The following SERPINB5 variants were observed in gnomAD, a reference collection of about 807,000 sequenced individuals.
SERPINB5 encodes serpin B5.
SERPINB5 carries 27 observed loss-of-function variants against 32.2 expected under a neutral mutation model. The observed-to-expected ratio is 0.84, with a 90% CI of 0.62 to 1.16. The LOEUF (loss-of-function observed/expected upper bound fraction) is 1.16. SERPINB5 is among the 50% of genes most tolerant of loss of function. SERPINB5 has a pLI of 0.00. For missense variants in SERPINB5, 388 were observed against 436.3 expected (o/e 0.89, Z 0.99); for synonymous variants, 154 against 157.4 (o/e 0.98, Z 0.16).
chr18:63,490,119 G>A (rs1380275393), intron 4 of SERPINB5, among the ~76,000 whole-genome samples: 1 of 152,128 alleles, frequency 6.6e-6, no homozygotes, highest in Admixed American at 6.5e-5. Flanking sequence ...GTGAACCCGG[G>A]AGGCGGAGCT....
intron 3 of SERPINB5, among the ~76,000 whole-genome samples, chr18:63,487,581 A>G (rs2144497877): frequency 6.6e-6 from 1 of 152,344 alleles, no homozygotes. Context: ...CACAATTTTC[A>G]TCAGTCACAA....
intron 1 of SERPINB5, among the ~76,000 whole-genome samples, chr18:63,482,789 A>G (rs1432380270): frequency 3.3e-5 from 5 of 151,712 alleles, no homozygotes; most frequent in Non-Finnish European, 7.4e-5. Context: ...AATGAAAACC[A>G]GACACATTTT....
At chr18:63,502,478 C>T (rs1178542613) in intron 6 of SERPINB5, among the ~76,000 whole-genome samples, 2 of 151,886 alleles carry the variant, frequency 1.3e-5, no homozygotes, top group African/African-American at 4.8e-5. Context: ...GATGCATTCA[C>T]TACCTATGAC....
chr18:63,487,173 A>T, intron 3 of SERPINB5, 90 bp downstream of exon 3: 1 of 1,266,396 alleles, frequency 7.9e-7, no homozygotes, highest in South Asian at 1.5e-5. Context: ...TTTCAGTGAA[A>T]TTCCTTTCTA....
chr18:63,478,809 G>C (rs1439828702), intron 1 of SERPINB5, among the ~76,000 whole-genome samples: 1 of 147,318 alleles, frequency 6.8e-6, no homozygotes, highest in East Asian at 2.0e-4. Flanking sequence ...ACCCAGGATG[G>C]AGTGCAGTGG....
intron 1 of SERPINB5, among the ~76,000 whole-genome samples, chr18:63,480,662 T>C (rs1241733385): frequency 6.6e-6 from 1 of 152,248 alleles, no homozygotes; most frequent in Non-Finnish European, 1.5e-5. Context: ...AACACAGTCA[T>C]GTGGCAACTG....
chr18:63,495,478 G>A (rs1454586585), intron 5 of SERPINB5, among the ~76,000 whole-genome samples: 1 of 152,174 alleles, frequency 6.6e-6, no homozygotes, highest in African/African-American at 2.4e-5. Flanking sequence ...GGCTGGCAAA[G>A]GGTTCCTAAC....
rs1230951288 is a variant in SERPINB5, at chr18:63,493,096, G to T, written c.567+1G>T. 2 of 1,614,004 alleles carry T rather than the reference G, an allele frequency of 1.2e-6. No homozygotes were observed. The highest frequency in any genetic ancestry group is 1.3e-5 in the African/African-American group (1 of 74,888). ...AGAATGTCCTTTCAGAGTCAACAAG[G>T]TATGTGGGGCAGCATGTAGCAGTAA... On this transcript the variant is annotated splice_donor_variant, in intron 5 of 6. Coordinates refer to ENST00000382771, the MANE Select transcript of SERPINB5 (RefSeq NM_002639.5). LOFTEE classifies it high-confidence loss of function.
chr18:63,477,693 TA>T (rs1410522072), intron 1 of SERPINB5, among the ~76,000 whole-genome samples: 5 of 152,250 alleles, frequency 3.3e-5, no homozygotes, highest in Admixed American at 6.5e-5. Flanking sequence ...CTTGGACTTA[TA>T]AATTGTAATA....
chr18:63,503,727 C>T lies in SERPINB5; in HGVS notation c.*5C>T, dbSNP rs755967258. 4 of 1,613,688 alleles carry T rather than the reference C, an allele frequency of 2.5e-6. No individual in the cohort carries two copies. The South Asian group carries it at 3.3e-5, about 13-fold the overall frequency. The stretch of plus-strand genomic sequence containing the variant: ...GGCAAATTCTGTTCTCCTTAAGTGG[C>T]ATAGCCCATGTTAAGTCCTCCCTGA... On this transcript the variant is annotated 3_prime_UTR_variant, in exon 7 of 7. Coordinates refer to ENST00000382771, the MANE Select transcript of SERPINB5 (RefSeq NM_002639.5).
At chr18:63,482,850 T>C (rs1381498602) in intron 1 of SERPINB5, among the ~76,000 whole-genome samples, 2 of 150,340 alleles carry the variant, frequency 1.3e-5, no homozygotes, top group African/African-American at 4.9e-5. Flanking sequence ...TAAATACTAA[T>C]ATGAATAATA....
intron 4 of SERPINB5, among the ~76,000 whole-genome samples, chr18:63,490,952 G>A (rs1909320459): frequency 6.6e-6 from 1 of 152,122 alleles, no homozygotes; most frequent in African/African-American, 2.4e-5. Flanking sequence ...TGTGTGCAAT[G>A]TGTAGTCTTC....
At chr18:63,483,804 T>G (rs945583965) in intron 1 of SERPINB5, among the ~76,000 whole-genome samples, 2 of 152,252 alleles carry the variant, frequency 1.3e-5, no homozygotes, top group Non-Finnish European at 2.9e-5. Context: ...ACACCAGTCA[T>G]ATCGGATTAG....
chr18:63,502,386 C>T (rs979420345), intron 6 of SERPINB5, among the ~76,000 whole-genome samples: 18 of 152,116 alleles, frequency 1.2e-4, no homozygotes, highest in Admixed American at 3.9e-4. Context: ...CCACCCACCT[C>T]GGCTTCCCAA....
chr18:63,498,586 T>C lies in SERPINB5; in HGVS notation c.568-534T>C, dbSNP rs1909499260. Among the ~76,000 whole-genome samples the C allele has an allele frequency of 6.6e-6, 1 of 152,162 alleles. No homozygotes were observed. On this transcript the variant is annotated intron_variant, in intron 5 of 6. Transcript: ENST00000382771. This position sits in a 1 kb window ranked among gnomAD's most constrained non-coding sequence, Gnocchi z 4.2. The stretch of plus-strand genomic sequence containing the variant: ...CAAATACAGTATTATATATACTTCA[T>C]GTAATGTGTAACATGTAGATTATAA...
chr18:63,491,836 A>T lies in SERPINB5; in HGVS notation c.425-1117A>T, dbSNP rs548001971. On this transcript the variant is annotated intron_variant, in intron 4 of 6. Coordinates refer to ENST00000382771, the MANE Select transcript of SERPINB5 (RefSeq NM_002639.5). Reference sequence around the variant, plus strand: ...GGTTGAAGTTGAAGCTCTGTCGTTTACCGGCTCCCACACTTCTTTGTTCTT... The same window carrying T: ...GGTTGAAGTTGAAGCTCTGTCGTTTTCCGGCTCCCACACTTCTTTGTTCTT... Among the ~76,000 whole-genome samples, 6 of 152,282 alleles carry T rather than the reference A, an allele frequency of 3.9e-5. No homozygotes were observed. In the East Asian group the frequency reaches 1.2e-3, roughly 29 times the overall value.
chr18:63,500,550 A>C (rs1909550207), intron 6 of SERPINB5, among the ~76,000 whole-genome samples: 1 of 152,162 alleles, frequency 6.6e-6, no homozygotes, highest in African/African-American at 2.4e-5. Context: ...TAAGGCACAA[A>C]GTTTAAATAA....
At chr18:63,490,928 C>G (rs1909320021) in intron 4 of SERPINB5, among the ~76,000 whole-genome samples, 1 of 152,126 alleles carries the variant, frequency 6.6e-6, no homozygotes, top group African/African-American at 2.4e-5. Context: ...ACCCATCACC[C>G]AAGCAGTGTA....
intron 1 of SERPINB5, among the ~76,000 whole-genome samples, chr18:63,480,017 A>G (rs909017324): frequency 1.3e-5 from 2 of 152,210 alleles, no homozygotes; most frequent in African/African-American, 4.8e-5. Context: ...GTGGCGGGGA[A>G]GTGCCAGGCT....
Sources: gnomAD v4.1 joint callset for allele counts (sites outside exome capture counted in the v4.1 genomes callset) on GRCh38, gnomAD v4.1.1 for gene constraint, Gnocchi (gnomAD v3.1) non-coding constraint, MANE v1.5 for transcripts, NCBI Gene and HGNC (gene_info 2026-07-23, HGNC 2026-07-21) for gene names.